RBFOX1: variants seen among roughly 807,000 people sequenced by gnomAD.
The protein encoded by RBFOX1 is RNA binding fox-1 homolog 1.
Under a neutral mutation model 57.7 loss-of-function variants are expected in RBFOX1, and 8 were observed. That is an observed-to-expected ratio of 0.14 (90% CI 0.08 to 0.25). The LOEUF (loss-of-function observed/expected upper bound fraction) is 0.25. Ranked by LOEUF, RBFOX1 falls within the 10% of genes least tolerant of loss-of-function variation. The pLI, the probability that RBFOX1 is intolerant of heterozygous loss-of-function variation, is 1.00. For missense variants in RBFOX1, 611 were observed against 548.5 expected (o/e 1.11, Z -1.14); for synonymous variants, 326 against 222.4 (o/e 1.47, Z -4.15).
intron 3 of RBFOX1, among the ~76,000 whole-genome samples, chr16:5,864,415 G>T (rs2057297738): frequency 6.6e-6 from 1 of 152,126 alleles, no homozygotes; most frequent in Non-Finnish European, 1.5e-5. Flanking sequence ...CACCCTTTGG[G>T]TCCCAGTCAA....
chr16:6,896,708 T>G (rs894722771), intron 3 of RBFOX1, among the ~76,000 whole-genome samples: 3 of 152,144 alleles, frequency 2.0e-5, no homozygotes, highest in Non-Finnish European at 4.4e-5. Flanking sequence ...GTTAGAAAAG[T>G]GCCCGGTAAA....
chr16:7,113,278 G>A (rs995671806), intron 4 of RBFOX1, among the ~76,000 whole-genome samples: 2 of 152,150 alleles, frequency 1.3e-5, no homozygotes, highest in Non-Finnish European at 1.5e-5. Flanking sequence ...GTCATTTTGG[G>A]TAAGAGTAAT....
chr16:6,971,711 G>A (rs542376110), intron 3 of RBFOX1, among the ~76,000 whole-genome samples: 3 of 152,248 alleles, frequency 2.0e-5, no homozygotes, highest in African/African-American at 7.2e-5. Flanking sequence ...GGTGTTGTTA[G>A]CAGACCTGTG....
chr16:5,993,384 T>TGTGTGTGTGA lies in RBFOX1; in HGVS notation c.351+126050_351+126051insTGTGTGTGAG, dbSNP rs1475287832. ...GTGTGTGTGTGTGTGTGTGTGTGTG[T>TGTGTGTGTGA]GAGAGAGAGAGAGACAGAGAGAGAG... On this transcript the variant is annotated intron_variant, in intron 4 of 19. Transcript: ENST00000641259. 2.8e-3 allele frequency among the ~76,000 whole-genome samples: 202 copies of TGTGTGTGTGA among 71,254 alleles called. 1 individual carries two copies. The highest frequency in any genetic ancestry group is 0.012 in the African/African-American group (181 of 14,620). 46.7% of individuals were successfully genotyped at this position (71,254 alleles called of 152,430 possible). A position where few individuals can be genotyped will look rare whatever the true frequency, so the allele number is the denominator to read the frequency against.
chr16:5,709,296 A>G (rs1256271645), intron 3 of RBFOX1, among the ~76,000 whole-genome samples: 1 of 152,144 alleles, frequency 6.6e-6, no homozygotes, highest in Non-Finnish European at 1.5e-5. Context: ...GAATTCCACA[A>G]AGCTCTGTTC....
At chr16:7,148,444 A>T (rs778986430) in intron 4 of RBFOX1, among the ~76,000 whole-genome samples, 43 of 152,330 alleles carry the variant, frequency 2.8e-4, no homozygotes, top group Middle Eastern at 6.8e-3. Flanking sequence ...TATGTATTTT[A>T]AAACCTCTTT....
intron 1 of RBFOX1, among the ~76,000 whole-genome samples, chr16:6,253,004 C>A (rs891710724): frequency 4.5e-4 from 68 of 152,126 alleles, no homozygotes; most frequent in African/African-American, 1.6e-3. Flanking sequence ...GAGGTAGGAA[C>A]TATTATAATC....
At chr16:7,608,216 G>C (rs2056732726) in intron 10 of RBFOX1, among the ~76,000 whole-genome samples, 1 of 152,186 alleles carries the variant, frequency 6.6e-6, no homozygotes, top group Admixed American at 6.5e-5. Flanking sequence ...TTGACGGTAA[G>C]TCATACCCCT....
intron 4 of RBFOX1, among the ~76,000 whole-genome samples, chr16:5,933,124 C>T (rs1194563551): frequency 2.6e-5 from 4 of 152,208 alleles, no homozygotes; most frequent in Non-Finnish European, 4.4e-5. Flanking sequence ...CAAATGGAAA[C>T]TTTTCAATTG....
chr16:6,270,361 T>TAGACTGAA (rs1376470918), intron 1 of RBFOX1, among the ~76,000 whole-genome samples: 3 of 149,860 alleles, frequency 2.0e-5, no homozygotes, highest in African/African-American at 7.4e-5. Flanking sequence ...ATAGTATAGG[T>TAGACTGAA]AGACTGAAAG....
intron 3 of RBFOX1, among the ~76,000 whole-genome samples, chr16:6,887,956 C>G (rs1300582802): frequency 2.0e-5 from 3 of 152,120 alleles, no homozygotes; most frequent in African/African-American, 7.2e-5. Flanking sequence ...GCCACCACGC[C>G]TGTCCCATCC....
At chr16:5,430,467 C>T (rs796702866) in intron 1 of RBFOX1, among the ~76,000 whole-genome samples, 6 of 152,110 alleles carry the variant, frequency 3.9e-5, no homozygotes, top group Non-Finnish European at 7.4e-5. Flanking sequence ...GGGGCTGGAG[C>T]TGGAGGAGGC....
chr16:5,642,705 AGGGAGG>A (rs908201486), intron 3 of RBFOX1, among the ~76,000 whole-genome samples: 3 of 152,042 alleles, frequency 2.0e-5, no homozygotes, highest in Non-Finnish European at 4.4e-5. Flanking sequence ...TTACAGAAGG[AGGGAGG>A]GGGAGGACTC....
At chr16:6,442,479 C>G (rs985908769) in intron 2 of RBFOX1, among the ~76,000 whole-genome samples, 2 of 151,888 alleles carry the variant, frequency 1.3e-5, no homozygotes, top group Admixed American at 6.6e-5. Flanking sequence ...ATCGCTTGAG[C>G]CTGGGAAGCG....
At chr16:6,293,187 A>G (rs1015648393) in intron 1 of RBFOX1, among the ~76,000 whole-genome samples, 1 of 152,182 alleles carries the variant, frequency 6.6e-6, no homozygotes, top group Middle Eastern at 3.2e-3. Context: ...TTGTCATTTT[A>G]TAGATGGGGG....
intron 14 of RBFOX1, among the ~76,000 whole-genome samples, chr16:7,679,341 A>G (rs1286821875): frequency 1.3e-5 from 2 of 152,228 alleles, no homozygotes; most frequent in African/African-American, 2.4e-5. Context: ...TTATTTTTAT[A>G]TCATCACAGC....
chr16:6,495,077 A>C (rs1352179340), intron 2 of RBFOX1, among the ~76,000 whole-genome samples: 2 of 152,132 alleles, frequency 1.3e-5, no homozygotes, highest in African/African-American at 4.8e-5. Context: ...AGAACCCCGC[A>C]TTTTAACCAC....
intron 3 of RBFOX1, among the ~76,000 whole-genome samples, chr16:5,745,162 A>G (rs571329402): frequency 1.3e-4 from 20 of 152,170 alleles, no homozygotes; most frequent in African/African-American, 4.3e-4. Context: ...TCATTGTTCA[A>G]TTCCCACCTA....
At position 5,439,097 on chromosome 16, in the gene RBFOX1, A is replaced by G. The variant is rs56080341; in HGVS notation, c.220-28119A>G. 5.7e-3 allele frequency among the ~76,000 whole-genome samples: 859 copies of G among 151,440 alleles called. 7 individuals carry two copies. The highest frequency in any genetic ancestry group is 0.019 in the African/African-American group (798 of 41,190). ...CTGGGGAGATAACATTTAAGTAGAG[A>G]CTTGTATCTTGGGAAGAAGCCAGCC... is the stretch of plus-strand genomic sequence containing the variant. On this transcript the variant is annotated intron_variant, in intron 1 of 2. Coordinates refer to the RBFOX1 transcript ENST00000585867.
Sources: allele counts gnomAD v4.1 joint callset (sites outside exome capture counted in the v4.1 genomes callset), GRCh38; gene constraint gnomAD v4.1.1; transcripts MANE v1.5; gene names NCBI Gene and HGNC (gene_info 2026-07-23, HGNC 2026-07-21).